The following ZBTB16 variants were observed in gnomAD, a reference collection of about 807,000 sequenced individuals.
ZBTB16 encodes the protein zinc finger and BTB domain containing 16.
A neutral mutation model predicts 56.8 loss-of-function variants in ZBTB16; 8 were observed. That is an observed-to-expected ratio of 0.14 (90% CI 0.08 to 0.25). ZBTB16 has a LOEUF of 0.25. Ranked by LOEUF, ZBTB16 falls within the 10% of genes least tolerant of loss-of-function variation. The pLI is 1.00. For missense variants in ZBTB16, 625 were observed against 903.0 expected, an observed-to-expected ratio of 0.69 and a Z score of 3.95; for synonymous variants, 363 against 368.5, an observed-to-expected ratio of 0.98 and a Z score of 0.17.
In ZBTB16 at chr11:114,148,728, C is replaced by T. The variant is rs377054891; in HGVS notation, c.1269-7609C>T. Among the ~76,000 whole-genome samples, 55 of 151,828 alleles carry T rather than the reference C, an allele frequency of 3.6e-4. No individual in the cohort carries two copies. The East Asian group carries it at 8.8e-3, about 24-fold the overall frequency. On this transcript the variant is annotated intron_variant, in intron 2 of 6. Transcript: ENST00000335953. ...CAGGATGGTCTCGATCTCCTGACCT[C>T]GTTATCTGCCGGTCACAGCCTCCCA...
chr11:114,105,412 G>T (rs970949509), intron 2 of ZBTB16, among the ~76,000 whole-genome samples: 2 of 152,030 alleles, frequency 1.3e-5, no homozygotes, highest in African/African-American at 4.8e-5. Flanking sequence ...GCTAATTTTT[G>T]TATTTTTAAT....
Position 114,063,748 on chromosome 11 carries a change from G to T in ZBTB16, c.448G>T (p.Ala150Ser). ...GGCCGAGGAAGAAGAGGACCGCAAG[G>T]CTCGGTACCTCAAGAACATCTTCAT... ...GGAEEEEDRK[A>S]RYLKNIFISK... The change falls in exon 2 of 7, where the codon GCT (alanine) becomes TCT (serine). Residue 150 changes from alanine to serine, a missense_variant. By Grantham distance (99) the Ala-to-Ser change is moderately conservative. Around this residue, in one of 6 missense-constraint regions of ZBTB16, gnomAD observed 384 missense variants for 393.5 expected, o/e 0.98. Coordinates refer to ENST00000335953, the MANE Select transcript of ZBTB16 (RefSeq NM_006006.6). This position sits in a 1 kb window ranked among gnomAD's most constrained non-coding sequence, Gnocchi z 6.5. The T allele has an allele frequency of 6.2e-7, 1 of 1,613,984 alleles. No individual in the cohort carries two copies. Among genetic ancestry groups the T allele is most frequent in the Non-Finnish European group, 8.5e-7 (1 of 1,180,038 alleles).
chr11:114,081,585 G>A (rs1005156567), intron 2 of ZBTB16, among the ~76,000 whole-genome samples: 45 of 152,252 alleles, frequency 3.0e-4, no homozygotes, highest in African/African-American at 9.9e-4. Flanking sequence ...TAGACAAGAC[G>A]TCTACCCTCC....
rs928470664 is a variant in ZBTB16, at chr11:114,253,959, C to T, written c.*3404C>T. Among the ~76,000 whole-genome samples, 1 of 152,156 alleles carries T rather than the reference C, an allele frequency of 6.6e-6. No homozygotes were observed. Among genetic ancestry groups the T allele is most frequent in the African/African-American group, 2.4e-5 (1 of 41,432 alleles). On this transcript the variant is annotated 3_prime_UTR_variant, in exon 7 of 7. Coordinates refer to ENST00000335953, the MANE Select transcript of ZBTB16 (RefSeq NM_006006.6). ...CCTTTAGCTGTGGTACTGCTGACAA[C>T]CCTGCTTGCTACTGCCTTATCCAGC...
In ZBTB16 at chr11:114,204,263, C is replaced by G. The variant is rs190515031; in HGVS notation, c.1453+17225C>G. 4.8e-4 allele frequency among the ~76,000 whole-genome samples: 73 copies of G among 151,930 alleles called. 1 individual carries two copies. Among genetic ancestry groups the G allele is most frequent in the Admixed American group, 2.6e-4 (4 of 15,274 alleles). On this transcript the variant is annotated intron_variant, in intron 4 of 6. Transcript: ENST00000335953. ...CTACCTTCCGGGTTCAAGCGATTCT[C>G]CTGCCTCAGCCTTCACAGGCATGCA...
intron 2 of ZBTB16, among the ~76,000 whole-genome samples, chr11:114,087,994 C>T (rs1007841213): frequency 6.6e-6 from 1 of 152,154 alleles, no homozygotes; most frequent in African/African-American, 2.4e-5. Context: ...CGCAACAGGG[C>T]CAAATCTCTC....
intron 2 of ZBTB16, among the ~76,000 whole-genome samples, chr11:114,100,480 G>C (rs1360121477): frequency 1.3e-5 from 2 of 152,208 alleles, no homozygotes; most frequent in African/African-American, 4.8e-5. Flanking sequence ...CATGGGGGTT[G>C]ACTTATTTTG....
intron 4 of ZBTB16, among the ~76,000 whole-genome samples, chr11:114,193,061 C>T (rs1943534831): frequency 6.6e-6 from 1 of 152,134 alleles, no homozygotes; most frequent in South Asian, 2.1e-4. Flanking sequence ...CAGGCACATG[C>T]CCTGTTCTTG....
intron 2 of ZBTB16, among the ~76,000 whole-genome samples, chr11:114,071,214 G>C (rs986019918): frequency 2.0e-5 from 3 of 150,394 alleles, no homozygotes; most frequent in Non-Finnish European, 3.0e-5. Context: ...TTAAGTAGGG[G>C]GTCAGTTTGA....
intron 3 of ZBTB16, among the ~76,000 whole-genome samples, chr11:114,185,294 G>T (rs676331): frequency 2.6e-5 from 4 of 152,002 alleles, no homozygotes; most frequent in African/African-American, 7.3e-5. Context: ...AGAAGAGTAA[G>T]GGACTTGAGT....
At chr11:114,082,992 C>T (rs1055447739) in intron 2 of ZBTB16, among the ~76,000 whole-genome samples, 4 of 152,208 alleles carry the variant, frequency 2.6e-5, no homozygotes, top group African/African-American at 4.8e-5. Context: ...AGGGCCCCAA[C>T]GTTGTGTAAC....
chr11:114,068,409 C>A (rs529818364), intron 2 of ZBTB16, among the ~76,000 whole-genome samples: 7 of 152,264 alleles, frequency 4.6e-5, no homozygotes, highest in African/African-American at 1.7e-4. Context: ...TAGTGAGAAT[C>A]AAACTTAGTG....
chr11:114,091,684 A>T (rs1022362252), intron 2 of ZBTB16, among the ~76,000 whole-genome samples: 1 of 145,010 alleles, frequency 6.9e-6, no homozygotes, highest in East Asian at 2.1e-4. Flanking sequence ...AGCATGACAC[A>T]GTTCCTATTT....
At chr11:114,233,031 A>C (rs1565699594) in intron 4 of ZBTB16, among the ~76,000 whole-genome samples, 32 of 68,786 alleles carry the variant, frequency 4.7e-4, no homozygotes, top group Non-Finnish European at 6.5e-4. Flanking sequence ...ACCCCAACTC[A>C]TCCCCGGCCC....
rs1483337916 is a variant in ZBTB16 at position 114,250,588 on chromosome 11, A to G, written c.*33A>G. On this transcript the variant is annotated 3_prime_UTR_variant, in exon 7 of 7. Transcript: ENST00000335953. The surrounding 1 kb of genome is among the most constrained non-coding windows in gnomAD (Gnocchi z 6.0). The stretch of plus-strand genomic sequence containing the variant: ...CCCGCGGCGGTGGAGCCGAGCGGGG[A>G]GCCAGGAAAGAAGAGTTGGAGTGAG... 6.2e-7 allele frequency: 1 copy of G among 1,606,440 alleles called. No individual in the cohort carries two copies. The highest frequency in any genetic ancestry group is 8.5e-7 in the Non-Finnish European group (1 of 1,173,986).
At chr11:114,248,250 G>C (rs1016659044) in intron 6 of ZBTB16, among the ~76,000 whole-genome samples, 1 of 152,206 alleles carries the variant, frequency 6.6e-6, no homozygotes, top group Non-Finnish European at 1.5e-5. Flanking sequence ...TTTCCCTGAG[G>C]TCAAAAGACA....
At chr11:114,083,105 C>T (rs550865692) in intron 2 of ZBTB16, among the ~76,000 whole-genome samples, 7 of 152,346 alleles carry the variant, frequency 4.6e-5, no homozygotes, top group African/African-American at 1.7e-4. Flanking sequence ...CAGGGCCCCT[C>T]GCTGGTTCCA....
chr11:114,106,120 C>A lies in ZBTB16; in HGVS notation c.1268+41552C>A, dbSNP rs147255690. Among the ~76,000 whole-genome samples the A allele has an allele frequency of 3.8e-3, 583 of 152,244 alleles. 6 individuals are homozygous for A. The highest frequency in any genetic ancestry group is 0.013 in the African/African-American group (554 of 41,548). ...TCCAGACTGTATTAACCTTTCATAG[C>A]GGAGGGTTGTTAGGAGGAAAACGCT... is the stretch of plus-strand genomic sequence containing the variant. On this transcript the variant is annotated intron_variant, in intron 2 of 6. Coordinates refer to ENST00000335953, the MANE Select transcript of ZBTB16 (RefSeq NM_006006.6).
At chr11:114,124,570 A>ACAAAAAAAAAAACC (rs1247098921) in intron 2 of ZBTB16, among the ~76,000 whole-genome samples, 1 of 146,580 alleles carries the variant, frequency 6.8e-6, no homozygotes, top group Non-Finnish European at 1.5e-5. Flanking sequence ...AAAAAAAAAA[A>ACAAAAAAAAAAACC]AACAAAAACA....
Sources: allele counts gnomAD v4.1 joint callset (sites outside exome capture counted in the v4.1 genomes callset), GRCh38; gene constraint gnomAD v4.1.1; regional missense constraint gnomAD v4.1.1; non-coding constraint Gnocchi (gnomAD v3.1); transcripts MANE v1.5; gene names NCBI Gene and HGNC (gene_info 2026-07-23, HGNC 2026-07-21).